TMEM116: variants seen among roughly 807,000 people sequenced by gnomAD.
TMEM116 encodes transmembrane protein 116.
Under a neutral mutation model 44.3 loss-of-function variants are expected in TMEM116, and 38 were observed. That is an observed-to-expected ratio of 0.86 (90% confidence interval 0.66 to 1.12). The LOEUF is 1.12. Ranked by LOEUF, TMEM116 falls within the 50% of genes most tolerant of loss-of-function variation. The pLI is 0.00. For synonymous variants in TMEM116, 132 were observed against 144.8 expected, an observed-to-expected ratio of 0.91 and a Z score of 0.64; for missense variants, 354 against 401.7, an observed-to-expected ratio of 0.88 and a Z score of 1.01.
In TMEM116 at chr12:111,933,891, C is replaced by T. The variant is rs2071885580; in HGVS notation, c.728G>A (p.Gly243Asp). The T allele has an allele frequency of 2.5e-6, 4 of 1,613,706 alleles. No homozygotes were observed. Among genetic ancestry groups the T allele is most frequent in the African/African-American group, 2.7e-5 (2 of 74,820 alleles). The part of the protein sequence containing the change: ...FYPVAFFCCW[G>D]PAVILMIIKL... The stretch of plus-strand genomic sequence containing the variant: ...TCTTCTTGTTAAGTACCTACCTGGG[C>T]CCCAGCAGCAAAAGAAGGCCACTGG... The change falls in exon 9 of 11, where the codon GGC becomes GAC. Residue 243 changes from glycine (G) to aspartate (D), a missense_variant. Coordinates refer to ENST00000552374, the MANE Select transcript of TMEM116 (RefSeq NM_001193531.2).
chr12:111,971,365 A>G (rs2075324091), intron 4 of TMEM116, among the ~76,000 whole-genome samples: 2 of 152,226 alleles, frequency 1.3e-5, no homozygotes. Context: ...AATAGCATAA[A>G]GATTGGGAGA....
intron 3 of TMEM116, among the ~76,000 whole-genome samples, chr12:111,992,512 A>T (rs1338229392): frequency 6.6e-6 from 1 of 151,876 alleles, no homozygotes; most frequent in Non-Finnish European, 1.5e-5. Context: ...CTTGTGATCC[A>T]CCCTCCTCGG....
intron 3 of TMEM116, among the ~76,000 whole-genome samples, chr12:112,002,264 C>T (rs1479829863): frequency 1.1e-4 from 16 of 151,884 alleles, no homozygotes; most frequent in Admixed American, 6.6e-5. Context: ...AGTTCAAGAT[C>T]AACCAGGCCA....
At chr12:111,975,967 C>A (rs931639424) in intron 4 of TMEM116, among the ~76,000 whole-genome samples, 2 of 152,146 alleles carry the variant, frequency 1.3e-5, no homozygotes, top group African/African-American at 4.8e-5. Flanking sequence ...TTCAAACCAT[C>A]AACTCCATTT....
At chr12:111,942,792 G>A (rs981671692) in intron 5 of TMEM116, among the ~76,000 whole-genome samples, 2 of 146,832 alleles carry the variant, frequency 1.4e-5, no homozygotes, top group African/African-American at 2.5e-5. Context: ...GGGTGTGTGT[G>A]TGGGTGTGTG....
At chr12:111,965,761 T>TAA (rs59183823) in intron 4 of TMEM116, 158 of 330,808 alleles carry the variant, frequency 4.8e-4, no homozygotes, top group South Asian at 6.3e-4. Context: ...CCGTCTCCCC[T>TAA]AAAAAAAAAA....
At chr12:111,959,676 A>G (rs1044609677) in intron 4 of TMEM116, among the ~76,000 whole-genome samples, 1 of 152,108 alleles carries the variant, frequency 6.6e-6, no homozygotes, top group African/African-American at 2.4e-5. Flanking sequence ...TGCAAAGCCA[A>G]AAAAAATAAA....
At chr12:111,994,700 CT>C (rs1338988802) in intron 3 of TMEM116, among the ~76,000 whole-genome samples, 1 of 152,172 alleles carries the variant, frequency 6.6e-6, no homozygotes, top group African/African-American at 2.4e-5. Context: ...GAAACACAGT[CT>C]ATCCATAACC....
intron 3 of TMEM116, among the ~76,000 whole-genome samples, chr12:111,997,224 C>G (rs935825358): frequency 6.6e-6 from 1 of 152,082 alleles, no homozygotes; most frequent in African/African-American, 2.4e-5. Context: ...TAGTTCATGT[C>G]TGGTATATCT....
intron 3 of TMEM116, among the ~76,000 whole-genome samples, chr12:111,999,478 C>A (rs1409092649): frequency 6.6e-6 from 1 of 151,910 alleles, no homozygotes; most frequent in Non-Finnish European, 1.5e-5. Flanking sequence ...TGCCTGTAAT[C>A]CCAGCTACTC....
In TMEM116 at chr12:111,934,012, G is replaced by A. The variant is rs763099934; in HGVS notation, c.607C>T (p.Gln203Ter). The A allele has an allele frequency of 1.2e-6, 2 of 1,614,024 alleles. No individual in the cohort carries two copies. Among genetic ancestry groups the A allele is most frequent in the African/African-American group, 1.3e-5 (1 of 74,898 alleles). The change falls in exon 9 of 11, where the codon CAG becomes TAG. Residue 203 changes from glutamine (Q) to a stop codon, truncating the protein, a stop_gained. Coordinates refer to ENST00000552374, the MANE Select transcript of TMEM116 (RefSeq NM_001193531.2). LOFTEE classifies it high-confidence loss of function. ...TTCACAAACTTCTTATACAATGTCT[G>A]GGCTCGGATAAGTAAGACCTAAATA... Reference protein sequence around the residue: ...LTIMVLLIRAQTLYKKFVKST... With the variant: ...LTIMVLLIRA
intron 5 of TMEM116, among the ~76,000 whole-genome samples, chr12:111,942,266 T>TTTTTGTTTTG (rs1020304888): frequency 1.3e-5 from 2 of 149,982 alleles, no homozygotes; most frequent in Admixed American, 1.3e-4. Context: ...CTTGTTTTTG[T>TTTTTGTTTTG]TTTTGTTTTG....
intron 4 of TMEM116, among the ~76,000 whole-genome samples, chr12:111,983,091 T>G (rs144033728): frequency 0.017 from 2,548 of 147,446 alleles, 80 homozygotes; most frequent in African/African-American, 0.059. Context: ...AGCACAGGAG[T>G]TCAAGACTAG....
At chr12:111,946,971 C>T (rs1175039004) in intron 4 of TMEM116, among the ~76,000 whole-genome samples, 1 of 151,952 alleles carries the variant, frequency 6.6e-6, no homozygotes, top group Non-Finnish European at 1.5e-5. Context: ...ACTCCCAGGT[C>T]ATCTAAATGA....
At chr12:111,975,977 TAAG>T (rs1452222757) in intron 4 of TMEM116, among the ~76,000 whole-genome samples, 3 of 152,100 alleles carry the variant, frequency 2.0e-5, no homozygotes, top group Non-Finnish European at 2.9e-5. Flanking sequence ...CAACTCCATT[TAAG>T]AAGTTTTTTT....
At chr12:111,954,896 T>C (rs2073972672) in intron 4 of TMEM116, among the ~76,000 whole-genome samples, 1 of 152,232 alleles carries the variant, frequency 6.6e-6, no homozygotes. Context: ...CATAGCAGTT[T>C]TCCTGGTAAA....
In TMEM116 at chr12:111,972,772, G is replaced by A. The variant is rs144722471; in HGVS notation, c.210+18986C>T. Among the ~76,000 whole-genome samples, 28 of 150,150 alleles carry A rather than the reference G, an allele frequency of 1.9e-4. No individual in the cohort carries two copies. In the East Asian group the frequency reaches 4.3e-3, roughly 23 times the overall value. ...CGTGTGCCTATAATCCCAGCTACTC[G>A]GGAGGCTGAGGTAGAATTGCTGCAA... is the stretch of plus-strand genomic sequence containing the variant. On this transcript the variant is annotated intron_variant, in intron 4 of 10. Coordinates refer to ENST00000552374, the MANE Select transcript of TMEM116 (RefSeq NM_001193531.2).
intron 4 of TMEM116, among the ~76,000 whole-genome samples, chr12:111,982,967 T>G (rs2076026145): frequency 6.6e-6 from 1 of 152,118 alleles, no homozygotes; most frequent in Non-Finnish European, 1.5e-5. Context: ...AGTGACTACA[T>G]TAGGCAAAGA....
At chr12:111,994,175 C>T (rs1379697542) in intron 3 of TMEM116, among the ~76,000 whole-genome samples, 1 of 152,072 alleles carries the variant, frequency 6.6e-6, no homozygotes, top group Non-Finnish European at 1.5e-5. Context: ...GATATAATTA[C>T]TAGAGTACTT....
Sources: allele counts gnomAD v4.1 joint callset (sites outside exome capture counted in the v4.1 genomes callset), GRCh38; gene constraint gnomAD v4.1.1; transcripts MANE v1.5; gene names NCBI Gene and HGNC (gene_info 2026-07-23, HGNC 2026-07-21).